The following CHCHD3 variants were observed in gnomAD, a reference collection of about 807,000 sequenced individuals.
CHCHD3 encodes the protein coiled-coil-helix-coiled-coil-helix domain containing 3, also known as MICOS complex subunit MIC19.
In CHCHD3, 20 loss-of-function variants were observed where a neutral mutation model predicts 38.2. The observed-to-expected ratio is 0.52, with a 90% CI of 0.37 to 0.76. The LOEUF (loss-of-function observed/expected upper bound fraction) is 0.76, where lower values mean the gene tolerates loss of function less well. Ranked by LOEUF, CHCHD3 falls within the 30% of genes least tolerant of loss-of-function variation. The pLI is 0.00. For missense variants in CHCHD3, 245 were observed against 279.2 expected (o/e 0.88, Z 0.87); for synonymous variants, 82 against 100.0 (o/e 0.82, Z 1.07).
intron 5 of CHCHD3, among the ~76,000 whole-genome samples, chr7:132,860,137 A>G (rs939677405): frequency 6.6e-6 from 1 of 152,008 alleles, no homozygotes; most frequent in African/African-American, 2.4e-5. Flanking sequence ...GCCAGGGGTG[A>G]TGGCGCGCAT....
chr7:133,015,348 TTAAATAAATAAATAAA>T (rs3049326), intron 3 of CHCHD3, among the ~76,000 whole-genome samples: 2 of 143,894 alleles, frequency 1.4e-5, no homozygotes, highest in Non-Finnish European at 1.5e-5. Flanking sequence ...GTCTCAAAAA[TTAAATAAATAAATAAA>T]TAAATAAATA....
intron 4 of CHCHD3, among the ~76,000 whole-genome samples, chr7:132,958,985 T>C (rs1195212627): frequency 6.6e-6 from 1 of 152,182 alleles, no homozygotes; most frequent in East Asian, 1.9e-4. Flanking sequence ...AACATATGTG[T>C]CTATCAATGG....
At chr7:132,789,705 G>C (rs576203065) in intron 7 of CHCHD3, among the ~76,000 whole-genome samples, 162 of 152,120 alleles carry the variant, frequency 1.1e-3, no homozygotes, top group Non-Finnish European at 2.0e-3. Context: ...ATCATGAAGA[G>C]AAGAAAAGCG....
intron 4 of CHCHD3, chr7:132,974,065 G>C: frequency 8.0e-7 from 1 of 1,244,614 alleles, no homozygotes; most frequent in African/African-American, 1.6e-5. Flanking sequence ...AAATTATGTT[G>C]AATACAAAAG....
At chr7:132,794,631 A>G (rs958393839) in intron 7 of CHCHD3, among the ~76,000 whole-genome samples, 7 of 152,198 alleles carry the variant, frequency 4.6e-5, no homozygotes, top group Non-Finnish European at 8.8e-5. Flanking sequence ...AAAACAATAG[A>G]TACTCCAAAC....
intron 3 of CHCHD3, among the ~76,000 whole-genome samples, chr7:133,021,051 A>G (rs1813165501): frequency 6.6e-6 from 1 of 152,188 alleles, no homozygotes; most frequent in East Asian, 1.9e-4. Flanking sequence ...CTAGATGCCA[A>G]TAACATTTGA....
intron 2 of CHCHD3, among the ~76,000 whole-genome samples, chr7:133,058,741 G>A (rs1487327058): frequency 1.3e-5 from 2 of 152,142 alleles, no homozygotes; most frequent in Non-Finnish European, 1.5e-5. Flanking sequence ...AGAATTTAGC[G>A]TAACTACCAA....
At chr7:132,997,675 A>C (rs1370076739) in intron 3 of CHCHD3, among the ~76,000 whole-genome samples, 4 of 150,464 alleles carry the variant, frequency 2.7e-5, no homozygotes, top group Non-Finnish European at 3.0e-5. Flanking sequence ...AAAAAAAAAA[A>C]AAAAAAAAAA....
intron 2 of CHCHD3, among the ~76,000 whole-genome samples, chr7:133,062,805 T>G (rs1814554756): frequency 6.6e-6 from 1 of 151,276 alleles, no homozygotes; most frequent in African/African-American, 2.4e-5. Flanking sequence ...AAGTAGGGAG[T>G]GTCCGGCCCA....
intron 2 of CHCHD3, among the ~76,000 whole-genome samples, chr7:133,050,277 AG>A (rs1814116414): frequency 7.6e-6 from 1 of 131,618 alleles, no homozygotes; most frequent in Non-Finnish European, 1.6e-5. Context: ...CGAAAGGTGG[AG>A]GTTGCAGTGA....
intron 1 of CHCHD3, among the ~76,000 whole-genome samples, chr7:133,074,832 A>G (rs1814929875): frequency 6.6e-6 from 1 of 152,226 alleles, no homozygotes; most frequent in Non-Finnish European, 1.5e-5. Context: ...TGTTTACCCC[A>G]GAGATTCTGT....
At chr7:132,869,730 C>A (rs1021676108) in intron 5 of CHCHD3, among the ~76,000 whole-genome samples, 1 of 151,842 alleles carries the variant, frequency 6.6e-6, no homozygotes, top group African/African-American at 2.4e-5. Context: ...ACCACAGGCA[C>A]ACACCACCAT....
chr7:132,833,635 G>A (rs1807701100), intron 6 of CHCHD3, among the ~76,000 whole-genome samples: 1 of 152,052 alleles, frequency 6.6e-6, no homozygotes, highest in Non-Finnish European at 1.5e-5. Flanking sequence ...TGTCACACAG[G>A]GGCTCTATGA....
At chr7:133,032,032 TAG>T (rs1347824805) in intron 2 of CHCHD3, among the ~76,000 whole-genome samples, 2 of 152,194 alleles carry the variant, frequency 1.3e-5, no homozygotes, top group African/African-American at 2.4e-5. Flanking sequence ...ACTAACAGCA[TAG>T]GTTACAGGAT....
chr7:132,835,485 G>C (rs1482919247), intron 6 of CHCHD3, among the ~76,000 whole-genome samples: 1 of 152,098 alleles, frequency 6.6e-6, no homozygotes, highest in African/African-American at 2.4e-5. Context: ...CTAACTTACA[G>C]GGCCCTGCTG....
At chr7:132,915,275 G>A (rs1206180476) in intron 4 of CHCHD3, among the ~76,000 whole-genome samples, 1 of 152,180 alleles carries the variant, frequency 6.6e-6, no homozygotes, top group Admixed American at 6.5e-5. Context: ...GGGGAAACAT[G>A]GGGTCAGGGA....
In CHCHD3 at chr7:132,990,951, T is replaced by TACACACACACACACACACACACAC. The variant is rs768136991; in HGVS notation, c.252-15689_252-15666dup. On this transcript the variant is annotated intron_variant, in intron 3 of 7. Transcript: ENST00000262570. ...TTCTGCTCCCCTACACAGACACACA[T>TACACACACACACACACACACACAC]ACACACACACACACACACACACACA... Among the ~76,000 whole-genome samples, 269 of 143,772 alleles carry TACACACACACACACACACACACAC rather than the reference T, an allele frequency of 1.9e-3. 1 individual carries two copies. The highest frequency in any genetic ancestry group is 6.6e-3 in the African/African-American group (247 of 37,696). The allele number at this position is 143,772 out of a possible 152,430, so 94.3% of individuals were successfully genotyped here.
chr7:133,065,127 A>C (rs546966292), intron 2 of CHCHD3, among the ~76,000 whole-genome samples: 4 of 152,218 alleles, frequency 2.6e-5, no homozygotes, highest in Admixed American at 6.5e-5. Context: ...TATAAAAGCA[A>C]ACCAATATAG....
chr7:133,073,761 T>C (rs1414658746), intron 1 of CHCHD3, among the ~76,000 whole-genome samples: 1 of 152,232 alleles, frequency 6.6e-6, no homozygotes, highest in Non-Finnish European at 1.5e-5. Flanking sequence ...CTACTTCAAA[T>C]TCTTCAATAG....
Sources: allele counts gnomAD v4.1 joint callset (sites outside exome capture counted in the v4.1 genomes callset), GRCh38; gene constraint gnomAD v4.1.1; transcripts MANE v1.5; gene names NCBI Gene and HGNC (gene_info 2026-07-23, HGNC 2026-07-21).